The following ABCB8 variants were observed in gnomAD, a reference collection of about 807,000 sequenced individuals.
The protein encoded by ABCB8 is ATP binding cassette subfamily B member 8.
Under a neutral mutation model 73.0 loss-of-function variants are expected in ABCB8, and 52 were observed. That is an observed-to-expected ratio of 0.71 (90% CI 0.57 to 0.90). The LOEUF (loss-of-function observed/expected upper bound fraction) is 0.90, where lower values mean the gene tolerates loss of function less well. Ranked by LOEUF, ABCB8 falls within the 40% of genes least tolerant of loss-of-function variation. ABCB8 has a pLI of 0.00. For missense variants in ABCB8, 909 were observed against 974.6 expected, an observed-to-expected ratio of 0.93 and a Z score of 0.90; for synonymous variants, 428 against 423.5, an observed-to-expected ratio of 1.01 and a Z score of -0.13.
At position 151,045,538 on chromosome 7, in the gene ABCB8, C is replaced by T. The variant is rs1313568796; in HGVS notation, c.*189C>T. The stretch of plus-strand genomic sequence containing the variant: ...GAGGCCAATCCCTCCCTCCCCTCCC[C>T]AGTCCTGCCGGCTGCCTCCCTCCCA... On this transcript the variant is annotated 3_prime_UTR_variant, in exon 16 of 16. Transcript: ENST00000358849. 3.0e-6 allele frequency: 2 copies of T among 662,750 alleles called. No homozygotes were observed. Among genetic ancestry groups the T allele is most frequent in the Non-Finnish European group, 4.5e-6 (2 of 445,720 alleles). 41.1% of individuals were successfully genotyped at this position (662,750 alleles called of 1,614,324 possible).
chr7:151,037,411 T>C, intron 9 of ABCB8: 1 of 687,570 alleles, frequency 1.5e-6, no homozygotes, highest in South Asian at 1.5e-5. Flanking sequence ...TATAGCTTAT[T>C]GCTTTGCGTT....
chr7:151,040,940 C>T lies in ABCB8; in HGVS notation c.1483+18C>T, dbSNP rs569596267. The T allele has an allele frequency of 5.6e-6, 9 of 1,597,554 alleles. No homozygotes were observed. The African/African-American group carries it at 1.1e-4, about 19-fold the overall frequency. On this transcript the variant is annotated intron_variant, in intron 12 of 15. Coordinates refer to ENST00000358849, the MANE Select transcript of ABCB8 (RefSeq NM_007188.5). ...TGGCGGAGGTAAGGGGAGCCCACCA[C>T]CTCTTCACCCTCTGACTCTTCTCTA... is the stretch of plus-strand genomic sequence containing the variant.
Position 151,033,616 on chromosome 7 carries a change from G to C in ABCB8, c.107G>C (p.Gly36Ala), listed in dbSNP as rs763467763. The stretch of plus-strand genomic sequence containing the variant: ...CTCTCTCCTTACAGGTACTCTGATG[G>C]CTACCGCAGCTCCTCCCTCCTCCGG... ...QTFSAVRYSD[G>A]YRSSSLLRAV... Residue 36 changes from glycine (G) to alanine (A), a missense_variant, in exon 2 of 16, where the codon GGC becomes GCC. By Grantham distance (60) the Gly-to-Ala change is moderately conservative (BLOSUM62 0). Transcript: ENST00000358849. 1.3e-6 allele frequency: 2 copies of C among 1,575,072 alleles called. No homozygotes were observed. Among genetic ancestry groups the C allele is most frequent in the African/African-American group, 2.7e-5 (2 of 74,016 alleles).
intron 1 of ABCB8, chr7:151,032,930 A>G (rs763809349): frequency 4.5e-6 from 2 of 442,814 alleles, no homozygotes; most frequent in Non-Finnish European, 4.6e-6. Context: ...GACATGGCAC[A>G]CTGGCAGAGT....
rs781068810 is a variant in ABCB8 at position 151,036,587 on chromosome 7, C to T, written c.1155C>T (p.Ala385=). 8.1e-6 allele frequency: 13 copies of T among 1,613,776 alleles called. No individual in the cohort carries two copies. Among genetic ancestry groups the T allele is most frequent in the Middle Eastern group, 1.6e-4 (1 of 6,080 alleles). The change falls in exon 9 of 16, where the codon GCC becomes GCT. Residue 385 remains alanine, a synonymous_variant. Coordinates refer to ENST00000358849, the MANE Select transcript of ABCB8 (RefSeq NM_007188.5). The part of the protein sequence containing the change: ...GTLFIGGSLV[A]GQQLTGGDLM... ...TATTTATTGGGGGCTCCCTTGTGGC[C>T]GGACAGCAGCTGACAGGGGGAGACC...
chr7:151,037,127 C>G (rs1195649487), intron 9 of ABCB8: 1 of 702,464 alleles, frequency 1.4e-6, no homozygotes, highest in Admixed American at 2.0e-5. Flanking sequence ...GCCCCTGGCA[C>G]CCACCATTCC....
rs138257786 is a variant in ABCB8 at position 151,035,947 on chromosome 7, C to T, written c.993C>T (p.Ala331=). 2,065 of 1,613,858 alleles carry T rather than the reference C, an allele frequency of 1.3e-3. 18 individuals carry two copies. Among genetic ancestry groups the T allele is most frequent in the Middle Eastern group, 7.3e-3 (44 of 6,062 alleles). The stretch of plus-strand genomic sequence containing the variant: ...ATGTGCGGACTGTGCGTGCCTTCGC[C>T]ATGGAGCAACGGGAAGAGGAGTGAG... The part of the protein sequence containing the change: ...LGNVRTVRAF[A]MEQREEERYG... The change falls in exon 7 of 16, where the codon GCC becomes GCT. Residue 331 remains alanine, a synonymous_variant. Transcript: ENST00000358849.
chr7:151,040,783 G>A (rs1308395737), intron 11 of ABCB8, 45 bp from the exon 12 acceptor site: 2 of 1,590,892 alleles, frequency 1.3e-6, no homozygotes, highest in African/African-American at 1.3e-5. Context: ...CGGGCAACAA[G>A]GGCTGGGAGC....
At chr7:151,044,775 G>T (rs1796571206) in intron 15 of ABCB8, among the ~76,000 whole-genome samples, 1 of 152,206 alleles carries the variant, frequency 6.6e-6, no homozygotes, top group South Asian at 2.1e-4. Context: ...TCAGAGTATG[G>T]TGCTGGGAGC....
At chr7:151,033,371 TAA>T in intron 1 of ABCB8, 1 of 1,364,732 alleles carries the variant, frequency 7.3e-7, no homozygotes, top group Non-Finnish European at 9.5e-7. Context: ...CCCAGGGGAA[TAA>T]GACTTTTAAG....
At chr7:151,042,341 G>C (rs1022169558) in intron 14 of ABCB8, among the ~76,000 whole-genome samples, 1 of 152,204 alleles carries the variant, frequency 6.6e-6, no homozygotes, top group Non-Finnish European at 1.5e-5. Context: ...TGCAGAGACA[G>C]GACGGGCTCT....
chr7:151,035,948 A>G lies in ABCB8; in HGVS notation c.994A>G (p.Met332Val), dbSNP rs770720559. ...GNVRTVRAFAMEQREEERYGA... is the reference protein window; with the variant it reads ...GNVRTVRAFAVEQREEERYGA... ...TGTGCGGACTGTGCGTGCCTTCGCCATGGAGCAACGGGAAGAGGAGTGAGT... is the reference window on the plus strand; with the variant it reads ...TGTGCGGACTGTGCGTGCCTTCGCCGTGGAGCAACGGGAAGAGGAGTGAGT... The change falls in exon 7 of 16, where the codon ATG becomes GTG. Residue 332 changes from methionine (M) to valine (V), a missense_variant. Transcript: ENST00000358849. The G allele has an allele frequency of 4.8e-5, 78 of 1,613,888 alleles. 1 individual carries two copies. The highest frequency in any genetic ancestry group is 7.7e-5 in the South Asian group (7 of 91,088).
At chr7:151,043,932 G>T in intron 14 of ABCB8, 39 bp from the exon 15 acceptor site, 2 of 1,599,498 alleles carry the variant, frequency 1.3e-6, no homozygotes, top group Non-Finnish European at 1.7e-6. Flanking sequence ...ACCCTCAAGT[G>T]CACAGCTTCA....
At chr7:151,030,472 G>C (rs1796131235) in intron 1 of ABCB8, among the ~76,000 whole-genome samples, 1 of 150,920 alleles carries the variant, frequency 6.6e-6, no homozygotes, top group South Asian at 2.1e-4. Flanking sequence ...CCGAGATTGT[G>C]CCATTGCGCT....
intron 5 of ABCB8, among the ~76,000 whole-genome samples, chr7:151,035,360 C>A (rs563580732): frequency 2.6e-5 from 4 of 152,196 alleles, no homozygotes; most frequent in Non-Finnish European, 4.4e-5. Context: ...TGCCACAGTT[C>A]ATAGCATTCT....
intron 1 of ABCB8, chr7:151,031,256 TG>T: frequency 6.4e-7 from 1 of 1,551,186 alleles, no homozygotes; most frequent in Non-Finnish European, 8.7e-7. Flanking sequence ...CATGGCGTAA[TG>T]GGAAAACTGG....
At position 151,034,309 on chromosome 7, in the gene ABCB8, C is replaced by G; in HGVS notation, c.445C>G (p.Pro149Ala). Reference sequence around the variant, plus strand: ...TGCGGCACTCGTGAATGTACAGATCCCCCTGCTCCTGGGCCAGCTGGTAGA... The same window carrying G: ...TGCGGCACTCGTGAATGTACAGATCGCCCTGCTCCTGGGCCAGCTGGTAGA... ...LGAALVNVQI[P>A]LLLGQLVEVV... Residue 149 changes from proline to alanine, a missense_variant, in exon 3 of 16, where the codon CCC becomes GCC. By Grantham distance (27) the Pro-to-Ala change is conservative. Transcript: ENST00000358849. 1.2e-6 allele frequency: 2 copies of G among 1,613,700 alleles called. No individual in the cohort carries two copies. The highest frequency in any genetic ancestry group is 1.7e-6 in the Non-Finnish European group (2 of 1,179,996).
At position 151,047,249 on chromosome 7, in the gene ABCB8, T is replaced by G. The variant is rs1584963357; in HGVS notation, c.*1900T>G. 1 of 151,490 alleles carries G rather than the reference T, an allele frequency of 6.6e-6. No individual in the cohort carries two copies. Among genetic ancestry groups the G allele is most frequent in the Admixed American group, 6.6e-5 (1 of 15,218 alleles). The allele number at this position is 151,490 out of a possible 1,614,324, so 9.4% of individuals were successfully genotyped here. A position where few individuals can be genotyped will look rare whatever the true frequency, so the allele number is the denominator to read the frequency against. On this transcript the variant is annotated 3_prime_UTR_variant, in exon 16 of 16. Coordinates refer to ENST00000358849, the MANE Select transcript of ABCB8 (RefSeq NM_007188.5). ...AGAAGCAGTGAAACCCCTTGGCTAG[T>G]CCAGCTGGAAGAGCTAGACCGCAGG...
intron 9 of ABCB8, 179 bp downstream of exon 9, chr7:151,036,828 A>G: frequency 1.3e-6 from 1 of 758,254 alleles, no homozygotes; most frequent in East Asian, 2.5e-5. Context: ...GCCCATAACA[A>G]CCCTCCTGGC....
Sources: gnomAD v4.1 joint callset for allele counts (sites outside exome capture counted in the v4.1 genomes callset) on GRCh38, gnomAD v4.1.1 for gene constraint, MANE v1.5 for transcripts, NCBI Gene and HGNC (gene_info 2026-07-23, HGNC 2026-07-21) for gene names.